CRELD2: variants seen among roughly 807,000 people sequenced by gnomAD.
The protein encoded by CRELD2 is CRELD disulfide isomerase 2.
A neutral mutation model predicts 48.1 loss-of-function variants in CRELD2; 33 were observed. The observed-to-expected ratio is 0.69, with a 90% CI of 0.52 to 0.92. The LOEUF (loss-of-function observed/expected upper bound fraction) is 0.92, where lower values mean the gene tolerates loss of function less well. Ranked by LOEUF, CRELD2 falls within the 40% of genes least tolerant of loss-of-function variation. CRELD2 has a pLI of 0.00. For missense variants in CRELD2, 477 were observed against 482.4 expected, an observed-to-expected ratio of 0.99 and a Z score of 0.10; for synonymous variants, 220 against 203.9, an observed-to-expected ratio of 1.08 and a Z score of -0.67.
chr22:49,922,438 C>T lies in CRELD2; in HGVS notation c.593-174C>T, dbSNP rs1330493485. On this transcript the variant is annotated intron_variant, in intron 5 of 9. Coordinates refer to ENST00000328268, the MANE Select transcript of CRELD2 (RefSeq NM_024324.5). ...TCCAGAGTATGGATAGCTGCCTTCT[C>T]TCCAGGTTATTAAAAATTCCTTGGA... 3.8e-6 allele frequency: 6 copies of T among 1,586,114 alleles called. No individual in the cohort carries two copies. The African/African-American group carries it at 4.0e-5, about 11-fold the overall frequency.
intron 6 of CRELD2, 119 bp downstream of exon 6, chr22:49,922,826 GTGGGGGCGTGAGGT>G (rs1483913269): frequency 7.4e-6 from 1 of 135,618 alleles, no homozygotes; most frequent in Non-Finnish European, 1.4e-5. Context: ...GGCGTGAAGT[GTGGGGGCGTGAGGT>G]GGGGGCGTGA....
intron 5 of CRELD2, 69 bp from the exon 6 acceptor site, chr22:49,922,543 A>T: frequency 1.3e-6 from 2 of 1,483,312 alleles, no homozygotes; most frequent in Non-Finnish European, 1.8e-6. Flanking sequence ...CCTCACTTTT[A>T]AACGAGCCTT....
chr22:49,920,786 G>T (rs1041854940), intron 4 of CRELD2, among the ~76,000 whole-genome samples: 2 of 152,228 alleles, frequency 1.3e-5, no homozygotes, highest in African/African-American at 4.8e-5. Context: ...GGTCAAGCGA[G>T]ATCAGGTAGC....
rs887042496 is a variant in CRELD2 at position 49,918,690 on chromosome 22, G to C, written c.-80G>C. 1 of 487,340 alleles carries C rather than the reference G, an allele frequency of 2.1e-6. No homozygotes were observed. The highest frequency in any genetic ancestry group is 3.2e-6 in the Non-Finnish European group (1 of 315,232). The allele number at this position is 487,340 out of a possible 1,614,324, so 30.2% of individuals were successfully genotyped here. A position where few individuals can be genotyped will look rare whatever the true frequency, so the allele number is the denominator to read the frequency against. ...GGGACAGGCCGGCGCGGCTGGGAGC[G>C]GGTGGGCGGCCGGGAGGCCGGAGCA... On this transcript the variant is annotated 5_prime_UTR_variant, in exon 1 of 10. Transcript: ENST00000328268.
At chr22:49,924,134 C>G in intron 7 of CRELD2, 1 of 430,898 alleles carries the variant, frequency 2.3e-6, no homozygotes, top group East Asian at 4.0e-5. Context: ...CCAAAGAGTT[C>G]CAAGCCAGGT....
At chr22:49,925,146 A>T in intron 8 of CRELD2, 3 of 268,708 alleles carry the variant, frequency 1.1e-5, no homozygotes, top group Non-Finnish European at 1.4e-5. Context: ...AAAAAAAAAA[A>T]GGAAAAGAAA....
At chr22:49,923,847 G>T in intron 7 of CRELD2, 1 of 267,518 alleles carries the variant, frequency 3.7e-6, no homozygotes, top group Non-Finnish European at 7.3e-6. Context: ...TCAGTCAAGG[G>T]AATGTGTCTT....
At chr22:49,922,574 G>C in intron 5 of CRELD2, 38 bp from the exon 6 acceptor site, 1 of 1,504,038 alleles carries the variant, frequency 6.6e-7, no homozygotes, top group Non-Finnish European at 9.0e-7. Context: ...TGGTACCTGA[G>C]AGTGGGGTTT....
chr22:49,920,274 T>C (rs1358802352), intron 4 of CRELD2, 27 bp downstream of exon 4: 2 of 1,446,836 alleles, frequency 1.4e-6, no homozygotes, highest in Non-Finnish European at 1.9e-6. Context: ...GGAAATCCCA[T>C]CTCCTACGTC....
intron 9 of CRELD2, 41 bp downstream of exon 9, chr22:49,925,598 T>C (rs772230829): frequency 1.2e-6 from 2 of 1,609,890 alleles, no homozygotes; most frequent in Non-Finnish European, 1.7e-6. Flanking sequence ...TGCCCTCCCC[T>C]GGGCCGCAGG....
intron 8 of CRELD2, 49 bp from the exon 9 acceptor site, chr22:49,925,368 C>T (rs756034681): frequency 1.3e-5 from 15 of 1,188,174 alleles, no homozygotes; most frequent in African/African-American, 3.0e-5. Context: ...TAATCCGCTG[C>T]GCGTCTGCTG....
intron 3 of CRELD2, 124 bp from the exon 4 acceptor site, chr22:49,920,032 C>A: frequency 1.3e-6 from 1 of 773,452 alleles, no homozygotes; most frequent in South Asian, 1.6e-5. Context: ...AAGATTCTGT[C>A]CACACCTAGA....
intron 6 of CRELD2, among the ~76,000 whole-genome samples, 162 bp downstream of exon 6, chr22:49,922,869 TGG>T (rs1186592077): frequency 3.8e-5 from 1 of 26,504 alleles, no homozygotes. Context: ...GCTTGGGGTG[TGG>T]GGGGCGTGAG....
intron 9 of CRELD2, chr22:49,925,774 C>T (rs903420055): frequency 1.3e-5 from 18 of 1,385,098 alleles, no homozygotes; most frequent in African/African-American, 4.4e-5. Flanking sequence ...ACAGCTCAAA[C>T]GGAAGTTCAG....
At chr22:49,924,295 G>A in intron 7 of CRELD2, 65 bp from the exon 8 acceptor site, 1 of 1,192,470 alleles carries the variant, frequency 8.4e-7, no homozygotes, top group South Asian at 1.3e-5. Flanking sequence ...CCTTGTGCAT[G>A]TCGGGGTCTG....
At chr22:49,919,139 C>A in intron 1 of CRELD2, 91 bp from the exon 2 acceptor site, 3 of 1,325,638 alleles carry the variant, frequency 2.3e-6, no homozygotes, top group Non-Finnish European at 3.2e-6. Flanking sequence ...CCACCGTGGG[C>A]CTGGAGTCCC....
Position 49,927,277 on chromosome 22 carries a change from G to A in CRELD2, c.1032G>A (p.Pro344=), listed in dbSNP as rs143871729. ...AEAEATEGES[P]TQLPSREDL ...CAGAAGCCACAGAAGGAGAAAGCCCGACACAGCTGCCCTCCCGCGAAGACC... is the reference window on the plus strand; with the variant it reads ...CAGAAGCCACAGAAGGAGAAAGCCCAACACAGCTGCCCTCCCGCGAAGACC... Residue 344 remains proline (P), a synonymous_variant, in exon 10 of 10, where the codon CCG becomes CCA. Transcript: ENST00000328268. 5.1e-5 allele frequency: 82 copies of A among 1,612,404 alleles called. No individual in the cohort carries two copies. In the East Asian group the frequency reaches 5.8e-4, roughly 11 times the overall value.
At chr22:49,925,765 C>T in intron 9 of CRELD2, 49 of 1,394,998 alleles carry the variant, frequency 3.5e-5, no homozygotes, top group Non-Finnish European at 4.5e-5. Context: ...CCCAGGTTCA[C>T]AGCTCAAACG....
Position 49,923,332 on chromosome 22 carries a change from C to T in CRELD2, c.772+15C>T, listed in dbSNP as rs748601582. 18 of 1,382,978 alleles carry T rather than the reference C, an allele frequency of 1.3e-5. 1 individual carries two copies. The highest frequency in any genetic ancestry group is 4.1e-4 in the Middle Eastern group (2 of 4,834). The allele number at this position is 1,382,978 out of a possible 1,614,324, so 85.7% of individuals were successfully genotyped here. A position where few individuals can be genotyped will look rare whatever the true frequency, so the allele number is the denominator to read the frequency against. On this transcript the variant is annotated intron_variant, in intron 7 of 9. Transcript: ENST00000328268. ...CACGTGCGAAGGTGGGCCAGGCGGG[C>T]GGGTCTGCACTCCGGGGCCTGCCGG...
Sources: allele counts gnomAD v4.1 joint callset (sites outside exome capture counted in the v4.1 genomes callset), GRCh38; gene constraint gnomAD v4.1.1; transcripts MANE v1.5; gene names NCBI Gene and HGNC (gene_info 2026-07-23, HGNC 2026-07-21).